Variants in ANKIB1 observed in about 807,000 individuals in gnomAD.
ANKIB1 encodes the protein ankyrin repeat and IBR domain-containing protein 1.
Under a neutral mutation model 122.1 loss-of-function variants are expected in ANKIB1, and 43 were observed. The ratio of observed to expected loss-of-function variants is 0.35; its 90% CI spans 0.28 to 0.45. The LOEUF (loss-of-function observed/expected upper bound fraction) is 0.45. ANKIB1 is among the 20% of genes least tolerant of loss of function. The pLI is 1.00. For missense variants in ANKIB1, 992 were observed against 1,329.5 expected (o/e 0.75, Z 3.95); for synonymous variants, 390 against 442.0 (o/e 0.88, Z 1.48).
At position 92,311,287 on chromosome 7, in the gene ANKIB1, C is replaced by G. The variant is rs191712573; in HGVS notation, c.486+3631C>G. ...AGCATTGATTTTTAGTCTTGATCCT[C>G]AGAGTAACTATCCATGGAACCTTGC... On this transcript the variant is annotated intron_variant, in intron 3 of 19. Transcript: ENST00000265742. 1.9e-4 allele frequency among the ~76,000 whole-genome samples: 29 copies of G among 152,236 alleles called. 1 individual carries two copies. Among genetic ancestry groups the G allele is most frequent in the South Asian group, 4.1e-4 (2 of 4,824 alleles).
At chr7:92,365,466 G>C (rs183776880) in intron 10 of ANKIB1, among the ~76,000 whole-genome samples, 1 of 152,328 alleles carries the variant, frequency 6.6e-6, no homozygotes, top group East Asian at 1.9e-4. Flanking sequence ...AATCACTTTA[G>C]TGATGCATTG....
At chr7:92,367,112 G>T (rs1804104354) in intron 10 of ANKIB1, among the ~76,000 whole-genome samples, 1 of 152,154 alleles carries the variant, frequency 6.6e-6, no homozygotes, top group African/African-American at 2.4e-5. Context: ...TTACTTCTAG[G>T]GAGATCCCAA....
At chr7:92,263,976 TTGAC>T (rs1285541840) in intron 1 of ANKIB1, among the ~76,000 whole-genome samples, 1 of 152,190 alleles carries the variant, frequency 6.6e-6, no homozygotes, top group African/African-American at 2.4e-5. Flanking sequence ...AGTTTACAAT[TTGAC>T]TGGACAAATA....
chr7:92,287,616 T>A (rs1011487983), intron 1 of ANKIB1, among the ~76,000 whole-genome samples: 1 of 152,172 alleles, frequency 6.6e-6, no homozygotes, highest in African/African-American at 2.4e-5. Flanking sequence ...TGAAATATCT[T>A]GGGGGAGATG....
chr7:92,252,622 A>G (rs1272919946), intron 1 of ANKIB1, among the ~76,000 whole-genome samples: 2 of 151,994 alleles, frequency 1.3e-5, no homozygotes, highest in African/African-American at 2.4e-5. Context: ...AAAATAGTAA[A>G]GACTCATGGA....
chr7:92,392,599 G>A (rs1237051084), intron 17 of ANKIB1, among the ~76,000 whole-genome samples: 1 of 152,000 alleles, frequency 6.6e-6, no homozygotes, highest in Non-Finnish European at 1.5e-5. Context: ...TATTAGAAAT[G>A]CATTTCTAGT....
chr7:92,286,543 G>A (rs1016714755), intron 1 of ANKIB1, among the ~76,000 whole-genome samples: 1 of 150,624 alleles, frequency 6.6e-6, no homozygotes, highest in Non-Finnish European at 1.5e-5. Context: ...GCAGTGGCAC[G>A]GTCGCAGCTC....
At chr7:92,250,088 C>G (rs1420542492) in intron 1 of ANKIB1, among the ~76,000 whole-genome samples, 1 of 152,084 alleles carries the variant, frequency 6.6e-6, no homozygotes, top group African/African-American at 2.4e-5. Context: ...ACTAGTATAT[C>G]TTGTGTTCTA....
intron 7 of ANKIB1, among the ~76,000 whole-genome samples, chr7:92,347,546 A>G (rs1001771845): frequency 1.3e-5 from 2 of 152,150 alleles, no homozygotes; most frequent in Non-Finnish European, 2.9e-5. Flanking sequence ...TCAGGAGTTC[A>G]AGACTACAGT....
chr7:92,265,058 G>A (rs973966675), intron 1 of ANKIB1, among the ~76,000 whole-genome samples: 3 of 152,078 alleles, frequency 2.0e-5, no homozygotes, highest in African/African-American at 4.8e-5. Context: ...TCACTATAAC[G>A]TCAAAATCCT....
At chr7:92,378,457 A>G (rs1585133843) in intron 11 of ANKIB1, among the ~76,000 whole-genome samples, 1 of 150,926 alleles carries the variant, frequency 6.6e-6, no homozygotes, top group East Asian at 2.0e-4. Flanking sequence ...CATATTTTCT[A>G]TAGCTGCTGA....
rs1805003274 is a variant in ANKIB1 at position 92,401,135 on chromosome 7, AAC to A, written c.*2190_*2191del. ...TTTCCTTGGTACATATTTTAAAAAC[AAC>A]ACAGTCATTGACTTTACAATTCAGT... On this transcript the variant is annotated 3_prime_UTR_variant, in exon 20 of 20. Transcript: ENST00000265742. The A allele has an allele frequency of 6.6e-6, 1 of 152,248 alleles. No homozygotes were observed. Among genetic ancestry groups the A allele is most frequent in the Non-Finnish European group, 1.5e-5 (1 of 68,036 alleles). 9.4% of individuals were successfully genotyped at this position (152,248 alleles called of 1,614,324 possible).
chr7:92,313,886 T>C (rs1193353586), intron 3 of ANKIB1, among the ~76,000 whole-genome samples: 3 of 152,120 alleles, frequency 2.0e-5, no homozygotes, highest in African/African-American at 7.2e-5. Flanking sequence ...CAGATTGAAG[T>C]ATTTTGTGGA....
intron 1 of ANKIB1, among the ~76,000 whole-genome samples, chr7:92,278,213 T>C (rs1274490250): frequency 6.6e-6 from 1 of 152,130 alleles, no homozygotes; most frequent in South Asian, 2.1e-4. Flanking sequence ...ATCACACCAC[T>C]GTACTCCAGC....
At chr7:92,275,389 T>C (rs1368891607) in intron 1 of ANKIB1, among the ~76,000 whole-genome samples, 18 of 152,346 alleles carry the variant, frequency 1.2e-4, no homozygotes. Flanking sequence ...CCAATTGTTT[T>C]AATGATTTCT....
chr7:92,263,353 G>A (rs1801603488), intron 1 of ANKIB1, among the ~76,000 whole-genome samples: 1 of 152,164 alleles, frequency 6.6e-6, no homozygotes, highest in South Asian at 2.1e-4. Context: ...TTTACAGTCA[G>A]TTTTTGAAAG....
intron 9 of ANKIB1, among the ~76,000 whole-genome samples, chr7:92,358,914 G>C (rs1421001543): frequency 6.6e-6 from 1 of 151,996 alleles, no homozygotes; most frequent in Non-Finnish European, 1.5e-5. Flanking sequence ...TGTGTTTGCA[G>C]GCACCATATG....
chr7:92,358,211 C>T (rs545808936), intron 9 of ANKIB1, among the ~76,000 whole-genome samples: 1 of 152,308 alleles, frequency 6.6e-6, no homozygotes, highest in Admixed American at 6.5e-5. Context: ...CATTGCACTC[C>T]AGCCTGGGCC....
At chr7:92,304,732 G>C (rs1424414970) in intron 2 of ANKIB1, among the ~76,000 whole-genome samples, 2 of 151,994 alleles carry the variant, frequency 1.3e-5, no homozygotes, top group Admixed American at 1.3e-4. Context: ...TTTAGAGTAT[G>C]GTTTTAATTT....
Sources: gnomAD v4.1 joint callset for allele counts (sites outside exome capture counted in the v4.1 genomes callset) on GRCh38, gnomAD v4.1.1 for gene constraint, MANE v1.5 for transcripts, NCBI Gene and HGNC (gene_info 2026-07-23, HGNC 2026-07-21) for gene names.